Variants in AFG2A observed in about 807,000 individuals in gnomAD.
The protein encoded by AFG2A is ATPase family gene 2 protein homolog A.
At chr4:123,226,290 A>G in the AFG2A span, among the ~76,000 whole-genome samples, 4 of 152,116 alleles carry the variant, frequency 2.6e-5, no homozygotes, top group Admixed American at 2.6e-4. Flanking sequence ...GTCTTGTGCC[A>G]GTTTTCAAAG....
chr4:123,021,632 G>A, the AFG2A span, among the ~76,000 whole-genome samples: 1 of 152,072 alleles, frequency 6.6e-6, no homozygotes, highest in African/African-American at 2.4e-5. Context: ...ATCCCACAAA[G>A]AAATGTTCCT....
At chr4:123,164,114 T>G in the AFG2A span, among the ~76,000 whole-genome samples, 1 of 152,186 alleles carries the variant, frequency 6.6e-6, no homozygotes, top group Non-Finnish European at 1.5e-5. Context: ...CCACCCCTTT[T>G]GGGCTCTTAT....
the AFG2A span, among the ~76,000 whole-genome samples, chr4:123,265,106 TA>T: frequency 1.4e-4 from 22 of 152,206 alleles, no homozygotes; most frequent in East Asian, 2.1e-3. Context: ...AAATTCTCCT[TA>T]GCAAACTTTA....
chr4:122,947,823 A>G, the AFG2A span, among the ~76,000 whole-genome samples: 1 of 152,192 alleles, frequency 6.6e-6, no homozygotes, highest in African/African-American at 2.4e-5. Context: ...ACAGTAAAAA[A>G]TAATAAAAAC....
At chr4:122,944,538 T>A in the AFG2A span, among the ~76,000 whole-genome samples, 3 of 152,220 alleles carry the variant, frequency 2.0e-5, no homozygotes, top group African/African-American at 7.2e-5. Flanking sequence ...TACATTCGCC[T>A]AAATTTTTTT....
At chr4:123,206,763 TC>T in the AFG2A span, among the ~76,000 whole-genome samples, 1 of 152,170 alleles carries the variant, frequency 6.6e-6, no homozygotes, top group African/African-American at 2.4e-5. Context: ...ATTTATAAAT[TC>T]TTTTTTTTCT....
chr4:123,073,235 T>G, the AFG2A span, among the ~76,000 whole-genome samples: 1 of 152,054 alleles, frequency 6.6e-6, no homozygotes, highest in Non-Finnish European at 1.5e-5. Context: ...TTCTTTCTTC[T>G]TTCACTTAAG....
chr4:123,180,062 A>G, the AFG2A span, among the ~76,000 whole-genome samples: 3 of 151,986 alleles, frequency 2.0e-5, no homozygotes, highest in Non-Finnish European at 4.4e-5. Flanking sequence ...TTTACTGAAA[A>G]TACAAAAATT....
chr4:123,166,848 T>G, the AFG2A span, among the ~76,000 whole-genome samples: 3 of 152,304 alleles, frequency 2.0e-5, no homozygotes, highest in East Asian at 5.8e-4. Context: ...CCAGCTATCA[T>G]TAATCTTGGA....
At chr4:123,223,506 C>A in the AFG2A span, among the ~76,000 whole-genome samples, 4 of 152,112 alleles carry the variant, frequency 2.6e-5, no homozygotes, top group Admixed American at 2.6e-4. Context: ...CTGGGGAGGC[C>A]TCAGGAAACT....
the AFG2A span, among the ~76,000 whole-genome samples, chr4:123,006,949 T>G: frequency 1.3e-5 from 2 of 148,552 alleles, no homozygotes; most frequent in African/African-American, 4.9e-5. Context: ...TTTTTTTTTC[T>G]TTCTTCTCTT....
chr4:123,225,620 A>G, the AFG2A span, among the ~76,000 whole-genome samples: 2 of 152,144 alleles, frequency 1.3e-5, no homozygotes, highest in Admixed American at 6.5e-5. Context: ...GTAGCCTTGT[A>G]GTATAGTTTG....
the AFG2A span, among the ~76,000 whole-genome samples, chr4:123,044,404 C>T: frequency 6.6e-6 from 1 of 152,124 alleles, no homozygotes; most frequent in African/African-American, 2.4e-5. Flanking sequence ...TTTCAGTTAT[C>T]CATTTGTAAA....
At chr4:122,985,950 C>T in the AFG2A span, among the ~76,000 whole-genome samples, 1 of 151,352 alleles carries the variant, frequency 6.6e-6, no homozygotes, top group Non-Finnish European at 1.5e-5. Context: ...TTGCTGTATC[C>T]CAGAGGTTTT....
chr4:123,113,217 A>G, the AFG2A span, among the ~76,000 whole-genome samples: 1 of 152,206 alleles, frequency 6.6e-6, no homozygotes, highest in Non-Finnish European at 1.5e-5. Flanking sequence ...GATCTTTCCA[A>G]AAGCTTTGCT....
the AFG2A span, chr4:123,256,183 A>G: frequency 1.9e-6 from 3 of 1,613,506 alleles, no homozygotes; most frequent in Admixed American, 1.7e-5. Context: ...GAGCAGAGGT[A>G]AGATAGTTCC....
At chr4:123,280,767 T>C in the AFG2A span, among the ~76,000 whole-genome samples, 307 of 152,266 alleles carry the variant, frequency 2.0e-3, 2 homozygotes, top group Admixed American at 8.9e-3. Flanking sequence ...GTCAGGTGAT[T>C]AGCAATTTTA....
the AFG2A span, among the ~76,000 whole-genome samples, chr4:123,131,879 T>TAGAAATTTAACA: frequency 2.6e-5 from 4 of 152,256 alleles, no homozygotes; most frequent in Non-Finnish European, 5.9e-5. Flanking sequence ...CTATTTTTAA[T>TAGAAATTTAACA]GTTTTGAATA....
chr4:123,174,127 T>C, the AFG2A span, among the ~76,000 whole-genome samples: 1 of 152,214 alleles, frequency 6.6e-6, no homozygotes, highest in Non-Finnish European at 1.5e-5. Flanking sequence ...TGTCAATAGT[T>C]TCAAGCTATA....
Sources: gnomAD v4.1 joint callset for allele counts (sites outside exome capture counted in the v4.1 genomes callset) on GRCh38, gnomAD v4.1.1 for gene constraint, MANE v1.5 for transcripts, NCBI Gene and HGNC (gene_info 2026-07-23, HGNC 2026-07-21) for gene names.